CDH2: variants seen among roughly 807,000 people sequenced by gnomAD.
The protein encoded by CDH2 is cadherin-2.
In CDH2, 17 loss-of-function variants were observed where a neutral mutation model predicts 92.0. The ratio of observed to expected loss-of-function variants is 0.18; its 90% CI spans 0.13 to 0.28. CDH2 has a LOEUF of 0.28. CDH2 is among the 10% of genes least tolerant of loss of function. The pLI, the probability that CDH2 is intolerant of heterozygous loss-of-function variation, is 1.00. For synonymous variants in CDH2, 419 were observed against 415.9 expected (o/e 1.01, Z -0.09); for missense variants, 862 against 1,133.1 (o/e 0.76, Z 3.44).
At chr18:28,162,332 A>G (rs2016318239) in intron 1 of CDH2, among the ~76,000 whole-genome samples, 2 of 152,182 alleles carry the variant, frequency 1.3e-5, no homozygotes, top group South Asian at 2.1e-4. Flanking sequence ...TTAGGGGAGC[A>G]CAAATGCTTG....
intron 1 of CDH2, among the ~76,000 whole-genome samples, chr18:28,160,698 A>G (rs1305037313): frequency 6.6e-6 from 1 of 152,234 alleles, no homozygotes; most frequent in African/African-American, 2.4e-5. Context: ...GTCAACCACC[A>G]GACCAAACCC....
intron 15 of CDH2, among the ~76,000 whole-genome samples, chr18:27,961,015 T>C (rs1308486879): frequency 7.6e-6 from 1 of 132,432 alleles, no homozygotes; most frequent in Admixed American, 7.3e-5. Context: ...GAGATAGTCA[T>C]TGTTAAAAAA....
At chr18:28,150,899 C>T (rs570536739) in intron 1 of CDH2, among the ~76,000 whole-genome samples, 1 of 152,276 alleles carries the variant, frequency 6.6e-6, no homozygotes, top group East Asian at 1.9e-4. Context: ...TATATATTCT[C>T]CCTATTTATT....
intron 2 of CDH2, among the ~76,000 whole-genome samples, chr18:28,076,814 C>T (rs1178740114): frequency 6.6e-6 from 1 of 150,732 alleles, no homozygotes; most frequent in African/African-American, 2.4e-5. Flanking sequence ...ACATTGTTTT[C>T]AGGAAATGTG....
At chr18:28,148,432 A>G (rs1192617798) in intron 1 of CDH2, among the ~76,000 whole-genome samples, 1 of 152,174 alleles carries the variant, frequency 6.6e-6, no homozygotes, top group Non-Finnish European at 1.5e-5. Context: ...GTCATTTTCT[A>G]TATCATCATA....
intron 15 of CDH2, among the ~76,000 whole-genome samples, chr18:27,958,272 TAGG>T (rs2011303141): frequency 2.0e-5 from 3 of 151,984 alleles, no homozygotes; most frequent in African/African-American, 2.4e-5. Flanking sequence ...AATTAATTAA[TAGG>T]AGAAAAAGAC....
At chr18:28,041,649 C>T (rs952108910) in intron 2 of CDH2, among the ~76,000 whole-genome samples, 2 of 152,110 alleles carry the variant, frequency 1.3e-5, no homozygotes, top group African/African-American at 4.8e-5. Flanking sequence ...TTCTTTCAGA[C>T]GAATCATTCT....
intron 2 of CDH2, among the ~76,000 whole-genome samples, chr18:28,069,766 C>T (rs1416333404): frequency 1.3e-5 from 2 of 152,064 alleles, no homozygotes; most frequent in African/African-American, 4.8e-5. Context: ...ATGGAGTCAC[C>T]ACCATAATGA....
intron 1 of CDH2, among the ~76,000 whole-genome samples, chr18:28,151,522 G>C (rs2016121523): frequency 6.6e-6 from 1 of 152,142 alleles, no homozygotes; most frequent in African/African-American, 2.4e-5. Context: ...ATGAAAAAGA[G>C]GTATCTACCT....
intron 2 of CDH2, among the ~76,000 whole-genome samples, chr18:28,038,252 G>A (rs1016968121): frequency 4.6e-5 from 7 of 151,974 alleles, no homozygotes; most frequent in East Asian, 1.9e-4. Context: ...GCAAAACTCC[G>A]TATCTACCAA....
intron 2 of CDH2, chr18:28,045,678 T>G (rs1018865901): frequency 3.3e-5 from 9 of 274,144 alleles, no homozygotes; most frequent in African/African-American, 2.0e-4. Context: ...CTCCCCCACA[T>G]GTGTGCTTCA....
chr18:28,039,254 C>T (rs867048005), intron 2 of CDH2, among the ~76,000 whole-genome samples: 11 of 152,046 alleles, frequency 7.2e-5, no homozygotes, highest in Non-Finnish European at 1.0e-4. Flanking sequence ...CAGGATTGCG[C>T]GGCATAGGGA....
chr18:28,103,131 A>T (rs2015254610), intron 2 of CDH2, among the ~76,000 whole-genome samples: 1 of 147,998 alleles, frequency 6.8e-6, no homozygotes, highest in Non-Finnish European at 1.5e-5. Flanking sequence ...TGCCCAATTA[A>T]TAAACTCCTT....
intron 2 of CDH2, among the ~76,000 whole-genome samples, chr18:28,083,746 C>A (rs574692991): frequency 5.9e-5 from 9 of 151,992 alleles, no homozygotes; most frequent in Admixed American, 3.3e-4. Context: ...AAATATACAC[C>A]CTATAGTTGA....
intron 2 of CDH2, among the ~76,000 whole-genome samples, chr18:28,066,135 G>C (rs1027433093): frequency 1.6e-4 from 25 of 151,944 alleles, no homozygotes; most frequent in Non-Finnish European, 2.9e-4. Flanking sequence ...AAAAGTTGTT[G>C]GTAAGTACAA....
chr18:27,962,405 C>T (rs2011429821), intron 15 of CDH2, among the ~76,000 whole-genome samples: 1 of 152,100 alleles, frequency 6.6e-6, no homozygotes, highest in Non-Finnish European at 1.5e-5. Flanking sequence ...TTTCTACAAG[C>T]AATAAGTATA....
At chr18:28,150,992 C>T (rs2016112228) in intron 1 of CDH2, among the ~76,000 whole-genome samples, 1 of 152,306 alleles carries the variant, frequency 6.6e-6, no homozygotes, top group African/African-American at 2.4e-5. Context: ...AATACAAGCT[C>T]CCAGCTGGAC....
chr18:27,945,446 G>A (rs1290756520), intron 6 of CDH2, among the ~76,000 whole-genome samples: 1 of 142,852 alleles, frequency 7.0e-6, no homozygotes, highest in East Asian at 2.3e-4. Context: ...AGTCAAAAAA[G>A]TGACAGTTCA....
chr18:28,168,799 A>G (rs1287735923), intron 1 of CDH2, among the ~76,000 whole-genome samples: 2 of 152,138 alleles, frequency 1.3e-5, no homozygotes, highest in Admixed American at 6.5e-5. Flanking sequence ...GTGTAATTCA[A>G]AAGTTAATTA....
Sources: gnomAD v4.1 joint callset for allele counts (sites outside exome capture counted in the v4.1 genomes callset) on GRCh38, gnomAD v4.1.1 for gene constraint, MANE v1.5 for transcripts, NCBI Gene and HGNC (gene_info 2026-07-23, HGNC 2026-07-21) for gene names.